ZDHHC2: variants seen among roughly 807,000 people sequenced by gnomAD.
ZDHHC2 encodes palmitoyltransferase ZDHHC2.
In ZDHHC2, 51 loss-of-function variants were observed where a neutral mutation model predicts 55.6. The observed-to-expected ratio is 0.92, with a 90% CI of 0.73 to 1.16. ZDHHC2 has a LOEUF of 1.16. Among genes scored for constraint, ZDHHC2 ranks in the 50% most tolerant of loss-of-function variants. The pLI is 0.00. For missense variants in ZDHHC2, 491 were observed against 442.4 expected (o/e 1.11, Z -0.99); for synonymous variants, 199 against 152.9 (o/e 1.30, Z -2.22).
intron 1 of ZDHHC2, among the ~76,000 whole-genome samples, chr8:17,179,160 C>T (rs761412749): frequency 2.0e-5 from 3 of 152,018 alleles, no homozygotes; most frequent in African/African-American, 4.8e-5. Context: ...CTGTGTTGCC[C>T]GGGCCAATCT....
At chr8:17,199,546 T>TGTCTTCTGTCTTC (rs1554466114) in intron 6 of ZDHHC2, among the ~76,000 whole-genome samples, 12,072 of 40,540 alleles carry the variant, frequency 0.3, 1,230 homozygotes, top group African/African-American at 0.31. Flanking sequence ...CTTCGTCTTC[T>TGTCTTCTGTCTTC]GTCTTCGTCT....
At chr8:17,220,223 A>G (rs1043411450) in intron 12 of ZDHHC2, 33 bp from the exon 13 acceptor site, 1 of 152,206 alleles carries the variant, frequency 6.6e-6, no homozygotes, top group African/African-American at 2.4e-5. Flanking sequence ...TATGGTTAAC[A>G]TAGTAGTTTC....
intron 1 of ZDHHC2, among the ~76,000 whole-genome samples, chr8:17,178,416 C>G (rs1254413864): frequency 1.3e-5 from 2 of 152,032 alleles, no homozygotes; most frequent in East Asian, 3.8e-4. Context: ...CACACACATC[C>G]TATTAAATCT....
intron 1 of ZDHHC2, among the ~76,000 whole-genome samples, chr8:17,175,232 G>A (rs1805070370): frequency 6.6e-6 from 1 of 152,194 alleles, no homozygotes; most frequent in Non-Finnish European, 1.5e-5. Flanking sequence ...ACAGGGCGTT[G>A]TGGGTTGCAG....
At chr8:17,216,899 C>G (rs949519141) in intron 11 of ZDHHC2, among the ~76,000 whole-genome samples, 6 of 151,984 alleles carry the variant, frequency 3.9e-5, no homozygotes, top group African/African-American at 1.4e-4. Flanking sequence ...CAGTGTGGGT[C>G]AATATATCTT....
At chr8:17,202,815 A>C (rs1806867999) in intron 6 of ZDHHC2, among the ~76,000 whole-genome samples, 1 of 151,984 alleles carries the variant, frequency 6.6e-6, no homozygotes, top group Non-Finnish European at 1.5e-5. Context: ...AAACTCTAAA[A>C]TATATGGTCT....
At chr8:17,184,527 A>T (rs1037183638) in intron 1 of ZDHHC2, among the ~76,000 whole-genome samples, 1 of 152,252 alleles carries the variant, frequency 6.6e-6, no homozygotes, top group African/African-American at 2.4e-5. Flanking sequence ...CGCAAGGGGC[A>T]CACTTGACAA....
rs1273163583 is a variant in ZDHHC2 at position 17,198,409 on chromosome 8, C to G, written c.472C>G (p.Pro158Ala). Residue 158 changes from proline (P) to alanine (A), a missense_variant, in exon 6 of 13, where the codon CCA becomes GCA. Transcript: ENST00000262096. ...KCILKMDHHC[P>A]WVNNCVGFSN... Reference sequence around the variant, plus strand: ...TATTTTGAAGATGGATCATCATTGTCCATGGTGAGTTGGCTGTATATTTAA... The same window carrying G: ...TATTTTGAAGATGGATCATCATTGTGCATGGTGAGTTGGCTGTATATTTAA... 2 of 1,599,988 alleles carry G rather than the reference C, an allele frequency of 1.3e-6. No homozygotes were observed. The highest frequency in any genetic ancestry group is 1.7e-6 in the Non-Finnish European group (2 of 1,173,556).
intron 1 of ZDHHC2, among the ~76,000 whole-genome samples, chr8:17,172,357 C>T (rs1406819932): frequency 6.6e-6 from 1 of 152,142 alleles, no homozygotes; most frequent in Non-Finnish European, 1.5e-5. Context: ...CTCGCTCAAG[C>T]ACAACAGAGG....
At chr8:17,198,256 G>A (rs1806425686) in intron 5 of ZDHHC2, 125 bp from the exon 6 acceptor site, 1 of 799,356 alleles carries the variant, frequency 1.3e-6, no homozygotes, top group African/African-American at 1.8e-5. Flanking sequence ...TTTTAGATAA[G>A]TAAATAATTT....
intron 3 of ZDHHC2, among the ~76,000 whole-genome samples, chr8:17,192,424 T>C (rs79670100): frequency 0.11 from 16,714 of 152,286 alleles, 1,047 homozygotes; most frequent in Non-Finnish European, 0.12. Flanking sequence ...TGTCGTCTTT[T>C]GAGAAATGTC....
intron 1 of ZDHHC2, among the ~76,000 whole-genome samples, chr8:17,182,231 A>T (rs1048317196): frequency 6.6e-6 from 1 of 152,218 alleles, no homozygotes; most frequent in African/African-American, 2.4e-5. Flanking sequence ...TGCAATATAT[A>T]TATAACAGAT....
intron 1 of ZDHHC2, among the ~76,000 whole-genome samples, chr8:17,180,380 A>G (rs1805368946): frequency 2.0e-5 from 3 of 152,194 alleles, no homozygotes; most frequent in South Asian, 4.1e-4. Context: ...GACTTATAAG[A>G]TAATTCAGAT....
chr8:17,210,126 A>G, intron 9 of ZDHHC2, 68 bp downstream of exon 9: 4 of 1,505,960 alleles, frequency 2.7e-6, no homozygotes, highest in Non-Finnish European at 3.6e-6. Flanking sequence ...TAGTTTCAGG[A>G]AAAGCCTCTA....
intron 10 of ZDHHC2, among the ~76,000 whole-genome samples, chr8:17,214,316 T>G (rs1173601604): frequency 6.6e-6 from 1 of 152,196 alleles, no homozygotes; most frequent in East Asian, 1.9e-4. Context: ...GACCTGATAA[T>G]TTCAGATGTT....
chr8:17,197,364 T>G (rs1421980630), intron 4 of ZDHHC2, among the ~76,000 whole-genome samples: 1 of 152,216 alleles, frequency 6.6e-6, no homozygotes, highest in East Asian at 1.9e-4. Context: ...AAAATTTCCT[T>G]AGGAGGTTCT....
At chr8:17,190,211 G>A (rs1394789776) in intron 3 of ZDHHC2, among the ~76,000 whole-genome samples, 7 of 151,152 alleles carry the variant, frequency 4.6e-5, no homozygotes, top group Admixed American at 6.6e-5. Context: ...AGCCGAGATC[G>A]CACCACTGCA....
At chr8:17,157,680 C>T (rs1433825158) in intron 1 of ZDHHC2, 1 of 152,128 alleles carries the variant, frequency 6.6e-6, no homozygotes, top group Non-Finnish European at 1.5e-5. Flanking sequence ...TGGTTTCTAC[C>T]TTCAGGGGTT....
At chr8:17,191,077 T>A (rs1413605045) in intron 3 of ZDHHC2, among the ~76,000 whole-genome samples, 1 of 146,052 alleles carries the variant, frequency 6.8e-6, no homozygotes, top group African/African-American at 2.5e-5. Context: ...TTCTCCTGCC[T>A]CAGCCTCCCA....
Sources: gnomAD v4.1 joint callset for allele counts (sites outside exome capture counted in the v4.1 genomes callset) on GRCh38, gnomAD v4.1.1 for gene constraint, MANE v1.5 for transcripts, NCBI Gene and HGNC (gene_info 2026-07-23, HGNC 2026-07-21) for gene names.